Variants in MACROD2 observed in about 807,000 individuals in gnomAD.
The protein encoded by MACROD2 is mono-ADP ribosylhydrolase 2.
A neutral mutation model predicts 70.4 loss-of-function variants in MACROD2; 36 were observed. That is an observed-to-expected ratio of 0.51 (90% confidence interval 0.39 to 0.68). The LOEUF is 0.68. MACROD2 is among the 30% of genes least tolerant of loss of function. The pLI is 0.00. For synonymous variants in MACROD2, 172 were observed against 178.8 expected (o/e 0.96, Z 0.30); for missense variants, 496 against 538.4 (o/e 0.92, Z 0.78).
chr20:15,314,666 CA>C (rs2077790155), intron 6 of MACROD2, among the ~76,000 whole-genome samples: 1 of 152,104 alleles, frequency 6.6e-6, no homozygotes, highest in South Asian at 2.1e-4. Flanking sequence ...TGAACTCATT[CA>C]GGGTGAAAAA....
At chr20:15,607,065 C>T (rs1387638605) in intron 8 of MACROD2, among the ~76,000 whole-genome samples, 4 of 151,974 alleles carry the variant, frequency 2.6e-5, no homozygotes, top group Non-Finnish European at 4.4e-5. Context: ...ACTATTATCC[C>T]GGCACTTTGG....
At chr20:15,186,129 C>T (rs6110544) in intron 5 of MACROD2, among the ~76,000 whole-genome samples, 61,533 of 151,804 alleles carry the variant, frequency 0.41, 13,952 homozygotes, top group East Asian at 0.75. Flanking sequence ...TTTTCTGGAG[C>T]GCCCTGAACT....
intron 13 of MACROD2, among the ~76,000 whole-genome samples, chr20:15,979,947 G>A (rs6080071): frequency 0.25 from 37,641 of 152,072 alleles, 5,148 homozygotes; most frequent in South Asian, 0.34. Flanking sequence ...TGGGAGCATC[G>A]ACAAGCTACT....
chr20:14,263,787 C>A (rs917285018), intron 3 of MACROD2, among the ~76,000 whole-genome samples: 2 of 151,724 alleles, frequency 1.3e-5, no homozygotes, highest in Non-Finnish European at 2.9e-5. Flanking sequence ...ATGGTGAAAT[C>A]CCGACTCCAC....
intron 8 of MACROD2, among the ~76,000 whole-genome samples, chr20:15,512,180 C>T (rs1420443): frequency 0.19 from 29,021 of 152,184 alleles, 2,957 homozygotes; most frequent in Middle Eastern, 0.23. Flanking sequence ...CCACAGCTTA[C>T]TTTCTACTCA....
intron 10 of MACROD2, among the ~76,000 whole-genome samples, chr20:15,910,677 T>C (rs901239776): frequency 6.6e-6 from 1 of 152,122 alleles, no homozygotes; most frequent in Non-Finnish European, 1.5e-5. Context: ...ACACTGTATA[T>C]GAAATTGAAC....
chr20:14,936,987 A>T (rs1326467979), intron 5 of MACROD2, among the ~76,000 whole-genome samples: 4 of 152,206 alleles, frequency 2.6e-5, no homozygotes, highest in Non-Finnish European at 4.4e-5. Flanking sequence ...GTTATTTTGT[A>T]AGGAAGCTGC....
At chr20:14,012,604 A>C (rs2052927906) in intron 2 of MACROD2, among the ~76,000 whole-genome samples, 1 of 152,136 alleles carries the variant, frequency 6.6e-6, no homozygotes, top group South Asian at 2.1e-4. Flanking sequence ...TTTTTCTTTT[A>C]ACGTCATGAC....
chr20:15,005,517 AT>A (rs1164960224), intron 5 of MACROD2, among the ~76,000 whole-genome samples: 4 of 152,118 alleles, frequency 2.6e-5, no homozygotes, highest in African/African-American at 9.7e-5. Context: ...ACGCATTTTA[AT>A]TTTCAAAGAG....
intron 8 of MACROD2, among the ~76,000 whole-genome samples, chr20:15,689,389 T>G (rs1014473761): frequency 2.0e-5 from 3 of 151,560 alleles, no homozygotes; most frequent in Middle Eastern, 3.2e-3. Flanking sequence ...TGGACAAACA[T>G]AAATTAAAAA....
At chr20:14,805,997 G>C (rs1011407100) in intron 5 of MACROD2, among the ~76,000 whole-genome samples, 1 of 151,962 alleles carries the variant, frequency 6.6e-6, no homozygotes, top group Admixed American at 6.6e-5. Context: ...GTGAAGATTC[G>C]ATGAGTTTAT....
intron 5 of MACROD2, among the ~76,000 whole-genome samples, chr20:14,965,730 AG>A (rs2074630680): frequency 6.6e-6 from 1 of 151,700 alleles, no homozygotes; most frequent in African/African-American, 2.4e-5. Context: ...GGCCTTCCAA[AG>A]TGCTGGGATT....
intron 2 of MACROD2, among the ~76,000 whole-genome samples, chr20:14,030,179 C>T (rs929387107): frequency 9.9e-5 from 15 of 152,086 alleles, no homozygotes; most frequent in Admixed American, 5.9e-4. Flanking sequence ...GCTAGGACTA[C>T]GGAAACTTGC....
chr20:14,353,394 A>T (rs2083142916), intron 3 of MACROD2, among the ~76,000 whole-genome samples: 1 of 152,146 alleles, frequency 6.6e-6, no homozygotes. Flanking sequence ...ACTGCAAGGA[A>T]CATTCTTTTC....
intron 5 of MACROD2, among the ~76,000 whole-genome samples, chr20:15,166,675 T>G (rs1381575612): frequency 1.3e-5 from 2 of 151,892 alleles, no homozygotes; most frequent in Non-Finnish European, 2.9e-5. Context: ...AAATTACAGA[T>G]AAAAGAGAAC....
intron 7 of MACROD2, among the ~76,000 whole-genome samples, chr20:15,448,024 C>G (rs898827920): frequency 6.6e-6 from 1 of 152,140 alleles, no homozygotes; most frequent in Non-Finnish European, 1.5e-5. Flanking sequence ...TCTGCCTCCC[C>G]TTTCCTTGGA....
intron 5 of MACROD2, among the ~76,000 whole-genome samples, chr20:14,953,468 A>G (rs1431653559): frequency 2.6e-5 from 4 of 151,932 alleles, no homozygotes; most frequent in Admixed American, 2.6e-4. Context: ...CACCACGCCC[A>G]GCTAATTTTT....
chr20:14,331,158 A>G (rs1206193785), intron 3 of MACROD2, among the ~76,000 whole-genome samples: 2 of 152,136 alleles, frequency 1.3e-5, no homozygotes, highest in African/African-American at 2.4e-5. Flanking sequence ...CCCCTGAGTC[A>G]GGTCAGACCA....
intron 8 of MACROD2, among the ~76,000 whole-genome samples, chr20:15,574,287 T>C (rs1210196331): frequency 1.3e-5 from 2 of 152,130 alleles, no homozygotes; most frequent in African/African-American, 4.8e-5. Flanking sequence ...CAGCTCTTAA[T>C]TATTTTCATT....
Sources: allele counts gnomAD v4.1 joint callset (sites outside exome capture counted in the v4.1 genomes callset), GRCh38; gene constraint gnomAD v4.1.1; transcripts MANE v1.5; gene names NCBI Gene and HGNC (gene_info 2026-07-23, HGNC 2026-07-21).